Variants in KDM7A observed in about 807,000 individuals in gnomAD.
KDM7A encodes lysine-specific demethylase 7A.
In KDM7A, 28 loss-of-function variants were observed where a neutral mutation model predicts 114.8. The observed-to-expected ratio is 0.24, with a 90% confidence interval of 0.18 to 0.33. The LOEUF (loss-of-function observed/expected upper bound fraction) is 0.33, where lower values mean the gene tolerates loss of function less well. Among genes scored for constraint, KDM7A ranks in the 10% least tolerant of loss-of-function variants. The pLI is 1.00. For synonymous variants in KDM7A, 423 were observed against 397.8 expected (o/e 1.06, Z -0.75); for missense variants, 942 against 1,142.5 (o/e 0.82, Z 2.53).
chr7:140,165,914 G>A (rs1041565842), intron 1 of KDM7A, among the ~76,000 whole-genome samples: 2 of 152,128 alleles, frequency 1.3e-5, no homozygotes, highest in African/African-American at 4.8e-5. Context: ...AATTGTGAAG[G>A]AGGCAAAAGA....
intron 1 of KDM7A, among the ~76,000 whole-genome samples, chr7:140,174,102 T>C (rs1794675047): frequency 6.6e-6 from 1 of 150,776 alleles, no homozygotes; most frequent in South Asian, 2.1e-4. Context: ...AGGCGGAGTT[T>C]GCAGTGAGCA....
Position 140,093,200 on chromosome 7 carries a change from A to C in KDM7A, c.2457+856T>G, listed in dbSNP as rs2116734576. Among the ~76,000 whole-genome samples, 3 of 152,286 alleles carry C rather than the reference A, an allele frequency of 2.0e-5. No homozygotes were observed. In the South Asian group the frequency reaches 6.2e-4, roughly 32 times the overall value. ...TCCAGGGATTTTAATCCATTCCTCCAGTCACCTCAGGGCTCTGGAAGATGG... is the reference window on the plus strand; with the variant it reads ...TCCAGGGATTTTAATCCATTCCTCCCGTCACCTCAGGGCTCTGGAAGATGG... On this transcript the variant is annotated intron_variant, in intron 18 of 19. Coordinates refer to ENST00000397560, the MANE Select transcript of KDM7A (RefSeq NM_030647.2).
chr7:140,149,019 C>T (rs146135912), intron 1 of KDM7A, among the ~76,000 whole-genome samples: 268 of 152,280 alleles, frequency 1.8e-3, no homozygotes, highest in African/African-American at 6.3e-3. Flanking sequence ...ACTTTTCCTA[C>T]CTCCAACAGC....
intron 1 of KDM7A, among the ~76,000 whole-genome samples, chr7:140,164,502 T>C (rs545382203): frequency 6.6e-6 from 1 of 152,310 alleles, no homozygotes; most frequent in South Asian, 2.1e-4. Flanking sequence ...AAATCTCATC[T>C]AGTTGAGAAC....
chr7:140,159,492 G>C (rs1794494407), intron 1 of KDM7A, among the ~76,000 whole-genome samples: 1 of 152,218 alleles, frequency 6.6e-6, no homozygotes, highest in Non-Finnish European at 1.5e-5. Context: ...TACACCTAAA[G>C]ATAATTTCCA....
At position 140,117,472 on chromosome 7, in the gene KDM7A, G is replaced by A. The variant is rs542696483; in HGVS notation, c.1246+1641C>T. On this transcript the variant is annotated intron_variant, in intron 9 of 19. Coordinates refer to ENST00000397560, the MANE Select transcript of KDM7A (RefSeq NM_030647.2). ...TGTGCATCACCCCAAGGGTAGAGGC[G>A]TGTGTGTGTGTGTGTTCGTGGATAG... 1.2e-4 allele frequency among the ~76,000 whole-genome samples: 8 copies of A among 64,334 alleles called. 1 individual carries two copies. The highest frequency in any genetic ancestry group is 5.4e-4 in the Admixed American group (4 of 7,354). 42.2% of individuals were successfully genotyped at this position (64,334 alleles called of 152,430 possible). A position where few individuals can be genotyped will look rare whatever the true frequency, so the allele number is the denominator to read the frequency against.
chr7:140,155,463 T>C (rs187507749), intron 1 of KDM7A, among the ~76,000 whole-genome samples: 17 of 152,326 alleles, frequency 1.1e-4, no homozygotes, highest in Admixed American at 1.1e-3. Context: ...TTAAGTGATA[T>C]TTGCCAAATC....
At chr7:140,127,665 G>A (rs1818728156) in intron 4 of KDM7A, 82 bp from the exon 5 acceptor site, 2 of 1,171,564 alleles carry the variant, frequency 1.7e-6, no homozygotes, top group African/African-American at 1.5e-5. Context: ...TTTTAACTTG[G>A]TATGATAATT....
At chr7:140,168,515 C>T (rs767710932) in intron 1 of KDM7A, among the ~76,000 whole-genome samples, 3 of 151,796 alleles carry the variant, frequency 2.0e-5, no homozygotes, top group Non-Finnish European at 4.4e-5. Flanking sequence ...CTGCAGTGAG[C>T]CAAGATCGCA....
At chr7:140,161,038 G>A (rs1794513080) in intron 1 of KDM7A, among the ~76,000 whole-genome samples, 1 of 152,156 alleles carries the variant, frequency 6.6e-6, no homozygotes, top group Non-Finnish European at 1.5e-5. Context: ...CTTCAAAAAA[G>A]TACCGAAATA....
Position 140,131,859 on chromosome 7 carries a change from G to A in KDM7A, c.398+1680C>T, listed in dbSNP as rs1370486354. Reference sequence around the variant, plus strand: ...AGACAAACTAAACATATATGGGGACGGTTAAGCAAATTATGGTACCTATAG... The same window carrying A: ...AGACAAACTAAACATATATGGGGACAGTTAAGCAAATTATGGTACCTATAG... On this transcript the variant is annotated intron_variant, in intron 3 of 19. Transcript: ENST00000397560. Among the ~76,000 whole-genome samples the A allele has an allele frequency of 2.6e-5, 4 of 152,046 alleles. No homozygotes were observed. The South Asian group carries it at 6.2e-4, about 24-fold the overall frequency.
At chr7:140,145,566 G>C (rs1409151958) in intron 1 of KDM7A, among the ~76,000 whole-genome samples, 2 of 152,180 alleles carry the variant, frequency 1.3e-5, no homozygotes, top group East Asian at 3.8e-4. Flanking sequence ...AGATGCATGA[G>C]AGCTATCTCT....
At chr7:140,165,477 C>A (rs1794563823) in intron 1 of KDM7A, among the ~76,000 whole-genome samples, 1 of 152,172 alleles carries the variant, frequency 6.6e-6, no homozygotes, top group Non-Finnish European at 1.5e-5. Context: ...TGTGGTTTCA[C>A]TTTCTAAGGT....
At chr7:140,120,670 A>C in intron 7 of KDM7A, 141 bp from the exon 8 acceptor site, 1 of 558,570 alleles carries the variant, frequency 1.8e-6, no homozygotes, top group Non-Finnish European at 3.2e-6. Context: ...TGTTTATTAC[A>C]ATCTATAGAT....
At chr7:140,168,039 A>G (rs1428303133) in intron 1 of KDM7A, among the ~76,000 whole-genome samples, 1 of 152,234 alleles carries the variant, frequency 6.6e-6, no homozygotes, top group East Asian at 1.9e-4. Context: ...AATTAGACAA[A>G]TGCAGATTAA....
chr7:140,163,559 G>C (rs1562961119), intron 1 of KDM7A, among the ~76,000 whole-genome samples: 1 of 152,216 alleles, frequency 6.6e-6, no homozygotes, highest in East Asian at 1.9e-4. Flanking sequence ...TGGGATTACA[G>C]GTGTGAGCCA....
chr7:140,108,870 T>G (rs757876789), intron 11 of KDM7A, among the ~76,000 whole-genome samples: 34 of 152,258 alleles, frequency 2.2e-4, no homozygotes, highest in Non-Finnish European at 4.4e-4. Flanking sequence ...CCCCCAGAGG[T>G]GGAGTCTACA....
At chr7:140,107,931 T>C (rs1282819699) in intron 11 of KDM7A, among the ~76,000 whole-genome samples, 1 of 152,242 alleles carries the variant, frequency 6.6e-6, no homozygotes, top group Non-Finnish European at 1.5e-5. Context: ...CATTTGGTCT[T>C]TTCATATAGT....
chr7:140,096,417 C>A, intron 17 of KDM7A, 138 bp downstream of exon 17: 1 of 666,118 alleles, frequency 1.5e-6, no homozygotes, highest in Admixed American at 2.8e-5. Flanking sequence ...CAGCATTGTG[C>A]TTTTTTTGGT....
Sources: allele counts gnomAD v4.1 joint callset (sites outside exome capture counted in the v4.1 genomes callset), GRCh38; gene constraint gnomAD v4.1.1; transcripts MANE v1.5; gene names NCBI Gene and HGNC (gene_info 2026-07-23, HGNC 2026-07-21).